The following PEAK1 variants were observed in gnomAD, a reference collection of about 807,000 sequenced individuals.
PEAK1 encodes pseudopodium enriched atypical kinase 1.
PEAK1 carries 54 observed loss-of-function variants against 124.7 expected under a neutral mutation model. The ratio of observed to expected loss-of-function variants is 0.43; its 90% CI spans 0.35 to 0.54. The LOEUF is 0.54. Ranked by LOEUF, PEAK1 falls within the 20% of genes least tolerant of loss-of-function variation. The pLI is 0.01. For synonymous variants in PEAK1, 719 were observed against 760.0 expected, an observed-to-expected ratio of 0.95 and a Z score of 0.89; for missense variants, 2,046 against 2,134.5, an observed-to-expected ratio of 0.96 and a Z score of 0.82.
intron 7 of PEAK1, among the ~76,000 whole-genome samples, chr15:77,166,862 T>C (rs963433751): frequency 1.3e-5 from 2 of 152,190 alleles, no homozygotes; most frequent in African/African-American, 4.8e-5. Flanking sequence ...AACCCAGGTC[T>C]CGGTGACTTC....
chr15:77,386,239 A>AGTAC (rs1027895969), intron 1 of PEAK1, among the ~76,000 whole-genome samples: 13 of 152,348 alleles, frequency 8.5e-5, no homozygotes, highest in African/African-American at 3.1e-4. Flanking sequence ...GGACCCACGA[A>AGTAC]GTACGCCTCC....
Position 77,133,336 on chromosome 15 carries a change from T to C in PEAK1, c.3746A>G (p.Asn1249Ser). ...TTLSIKDRFS[N>S]SMESLSSRRG... ...CCGGCTGGAGAGGGATTCCATGCTG[T>C]TGGAAAATCTATCCTTAATACTGAG... Residue 1249 changes from asparagine (N) to serine (S), a missense_variant, in exon 9 of 10, where the codon AAC becomes AGC. Transcript: ENST00000682557. This position sits in a 1 kb window ranked among gnomAD's most constrained non-coding sequence, Gnocchi z 4.2. 6.2e-7 allele frequency: 1 copy of C among 1,614,248 alleles called. No homozygotes were observed. The highest frequency in any genetic ancestry group is 1.1e-5 in the South Asian group (1 of 91,090).
intron 8 of PEAK1, among the ~76,000 whole-genome samples, chr15:77,150,866 T>C (rs2054562154): frequency 6.6e-6 from 1 of 152,196 alleles, no homozygotes; most frequent in Non-Finnish European, 1.5e-5. Flanking sequence ...GGCTGCATAG[T>C]ATTCCATGGT....
intron 1 of PEAK1, among the ~76,000 whole-genome samples, chr15:77,388,192 T>A (rs2070125604): frequency 6.6e-6 from 1 of 152,028 alleles, no homozygotes; most frequent in Non-Finnish European, 1.5e-5. Flanking sequence ...AGATCCTGTC[T>A]CAAAAAAATA....
chr15:77,163,959 G>A (rs2055883849), intron 7 of PEAK1, among the ~76,000 whole-genome samples: 1 of 152,104 alleles, frequency 6.6e-6, no homozygotes, highest in African/African-American at 2.4e-5. Context: ...TGGGGTTGCT[G>A]GGGATAACGG....
intron 2 of PEAK1, chr15:77,330,936 AT>A (rs1267088323): frequency 2.4e-5 from 18 of 755,694 alleles, no homozygotes; most frequent in Non-Finnish European, 2.9e-5. Context: ...TTCCAAAACA[AT>A]TCCTGGGATA....
At position 77,179,111 on chromosome 15, in the gene PEAK1, T is replaced by C; in HGVS notation, c.2816A>G (p.Glu939Gly). The C allele has an allele frequency of 6.2e-7, 1 of 1,614,184 alleles. No homozygotes were observed. The highest frequency in any genetic ancestry group is 8.5e-7 in the Non-Finnish European group (1 of 1,180,046). ...TCGCTCTTTCTCTTTGTCATCCTCC[T>C]CATCTGTTTTCCGACGGCGGAAGAA... ...KSFFRRRKTD[E>G]EDDKEKEREK... is the part of the protein sequence containing the mutation. Residue 939 changes from glutamate (E) to glycine (G), a missense_variant, in exon 7 of 10, where the codon GAG becomes GGG. Coordinates refer to ENST00000682557, the MANE Select transcript of PEAK1 (RefSeq NM_001385026.1).
At chr15:77,276,836 T>C (rs919899502) in intron 5 of PEAK1, among the ~76,000 whole-genome samples, 1 of 152,070 alleles carries the variant, frequency 6.6e-6, no homozygotes, top group African/African-American at 2.4e-5. Context: ...GCATGTAATA[T>C]ACACATATAC....
At position 77,179,821 on chromosome 15, in the gene PEAK1, C is replaced by CACTGAGCCCCTTT; in HGVS notation, c.2093_2105dup (p.Ala703LysfsTer12). 6.2e-7 allele frequency: 1 copy of CACTGAGCCCCTTT among 1,614,104 alleles called. No homozygotes were observed. Among genetic ancestry groups the CACTGAGCCCCTTT allele is most frequent in the Non-Finnish European group, 8.5e-7 (1 of 1,180,004 alleles). On this transcript the variant is annotated frameshift_variant, in exon 7 of 10. Coordinates refer to ENST00000682557, the MANE Select transcript of PEAK1 (RefSeq NM_001385026.1). LOFTEE classifies it high-confidence loss of function. Reference sequence around the variant, plus strand: ...TGTTAAACTCTTGAACCTTCTGAGCCACTGAGCCCCTTTTATGCTCTGTGC... The same window carrying CACTGAGCCCCTTT: ...TGTTAAACTCTTGAACCTTCTGAGCCACTGAGCCCCTTTACTGAGCCCCTTTTATGCTCTGTGC...
rs531024636 is a variant in PEAK1, at chr15:77,361,900, A to AG, written c.-603+3262dup. 2.2e-4 allele frequency among the ~76,000 whole-genome samples: 33 copies of AG among 152,236 alleles called. 1 individual carries two copies. The South Asian group carries it at 6.2e-3, about 29-fold the overall frequency. On this transcript the variant is annotated intron_variant, in intron 2 of 9. Transcript: ENST00000682557. ...ACCAGAGAATGCTATCTAGTCATGA[A>AG]GAAAAAAAAAAAGAAATCCTGTCAT... is the stretch of plus-strand genomic sequence containing the variant.
At chr15:77,131,766 T>C (rs1442316910) in intron 9 of PEAK1, among the ~76,000 whole-genome samples, 4 of 152,098 alleles carry the variant, frequency 2.6e-5, no homozygotes, top group East Asian at 1.9e-4. Context: ...AAGCATTTCT[T>C]AGCTGGTAAA....
rs772516306 is a variant in PEAK1 at position 77,180,738 on chromosome 15, T to C, written c.1189A>G (p.Lys397Glu). ...CTTTTGGAAGCCTGTGATGAATCTT[T>C]ATCCTGATTATTACTAGAGGGACTT... ...YESPSSNNQD[K>E]DSSQASKSSI... Residue 397 changes from lysine to glutamate, a missense_variant, in exon 7 of 10, where the codon AAA becomes GAA. Lys to Glu is a moderately conservative substitution (Grantham distance 56). Transcript: ENST00000682557. The C allele has an allele frequency of 6.2e-7, 1 of 1,614,118 alleles. No homozygotes were observed. The highest frequency in any genetic ancestry group is 1.1e-5 in the South Asian group (1 of 91,070).
intron 6 of PEAK1, among the ~76,000 whole-genome samples, chr15:77,227,271 T>C (rs1442473685): frequency 2.0e-5 from 3 of 152,172 alleles, no homozygotes; most frequent in African/African-American, 4.8e-5. Flanking sequence ...TTTGTAGGCA[T>C]CCATTAAATC....
At chr15:77,255,767 A>G (rs543232032) in intron 5 of PEAK1, among the ~76,000 whole-genome samples, 2 of 152,324 alleles carry the variant, frequency 1.3e-5, no homozygotes, top group South Asian at 4.1e-4. Flanking sequence ...TGTTATGGAT[A>G]TAGCACCAAA....
chr15:77,375,681 G>A (rs12912739), intron 1 of PEAK1, among the ~76,000 whole-genome samples: 12,499 of 152,112 alleles, frequency 0.082, 609 homozygotes, highest in Non-Finnish European at 0.1. Flanking sequence ...ATTCAATCAG[G>A]ACCGATATAA....
intron 7 of PEAK1, among the ~76,000 whole-genome samples, chr15:77,177,417 G>A (rs540847585): frequency 6.6e-6 from 1 of 152,074 alleles, no homozygotes; most frequent in African/African-American, 2.4e-5. Flanking sequence ...AGACTTGTTA[G>A]CATTTTGACA....
intron 2 of PEAK1, among the ~76,000 whole-genome samples, chr15:77,311,436 G>A (rs1011587211): frequency 1.3e-5 from 2 of 152,154 alleles, no homozygotes; most frequent in African/African-American, 4.8e-5. Context: ...AACACTTTGC[G>A]AGGCAGAGGC....
intron 2 of PEAK1, among the ~76,000 whole-genome samples, chr15:77,312,002 T>C (rs543947229): frequency 1.3e-5 from 2 of 152,190 alleles, no homozygotes; most frequent in South Asian, 4.1e-4. Flanking sequence ...ATACTAGGTA[T>C]GAAGAGTTGT....
At chr15:77,288,857 A>G (rs905330593) in intron 2 of PEAK1, among the ~76,000 whole-genome samples, 10 of 148,618 alleles carry the variant, frequency 6.7e-5, no homozygotes, top group African/African-American at 9.9e-5. Context: ...TGAAACCAGG[A>G]GGCGGAGCTT....
Sources: gnomAD v4.1 joint callset for allele counts (sites outside exome capture counted in the v4.1 genomes callset) on GRCh38, gnomAD v4.1.1 for gene constraint, Gnocchi (gnomAD v3.1) non-coding constraint, MANE v1.5 for transcripts, NCBI Gene and HGNC (gene_info 2026-07-23, HGNC 2026-07-21) for gene names.